Variants in AQR observed in about 807,000 individuals in gnomAD.
AQR encodes RNA helicase aquarius.
In AQR, 61 loss-of-function variants were observed where a neutral mutation model predicts 180.5. The observed-to-expected ratio is 0.34, with a 90% CI of 0.28 to 0.42. The LOEUF is 0.42. Among genes scored for constraint, AQR ranks in the 10% least tolerant of loss-of-function variants. The probability of loss-of-function intolerance (pLI) is 1.00; values close to 1 mark genes in which losing one functional copy is unlikely to be tolerated. For synonymous variants in AQR, 551 were observed against 588.8 expected (o/e 0.94, Z 0.93); for missense variants, 1,281 against 1,798.3 (o/e 0.71, Z 5.20).
rs184035313 is a variant in AQR at position 34,913,366 on chromosome 15, G to A, written c.1484+1672C>T. On this transcript the variant is annotated intron_variant, in intron 16 of 34. Transcript: ENST00000156471. The stretch of plus-strand genomic sequence containing the variant: ...CTGAAAACATAATCATTGGAACCAT[G>A]TAATGAGTAAAAATGCCTCTGCTGG... 1.2e-4 allele frequency among the ~76,000 whole-genome samples: 18 copies of A among 152,286 alleles called. No individual in the cohort carries two copies. In the East Asian group the frequency reaches 3.1e-3, roughly 26 times the overall value.
intron 31 of AQR, chr15:34,870,405 C>A (rs1464280942): frequency 1.2e-5 from 2 of 161,534 alleles, no homozygotes; most frequent in African/African-American, 4.8e-5. Flanking sequence ...CCCAAGACAA[C>A]CTCCCCCTAT....
chr15:34,901,854 T>C (rs917348272), intron 19 of AQR, among the ~76,000 whole-genome samples: 2 of 152,168 alleles, frequency 1.3e-5, no homozygotes, highest in African/African-American at 2.4e-5. Flanking sequence ...AGTTTAAATA[T>C]GGAATGGGTG....
intron 1 of AQR, among the ~76,000 whole-genome samples, chr15:34,968,060 G>A (rs1490357741): frequency 6.6e-6 from 1 of 152,020 alleles, no homozygotes; most frequent in Admixed American, 6.5e-5. Flanking sequence ...TGATCGACCT[G>A]CCACGGCCTC....
At chr15:34,888,754 A>G (rs1893098596) in intron 24 of AQR, among the ~76,000 whole-genome samples, 1 of 152,230 alleles carries the variant, frequency 6.6e-6, no homozygotes, top group African/African-American at 2.4e-5. Context: ...GAAAAAGACT[A>G]GCAAAAAGTT....
At chr15:34,940,648 GA>G (rs1238315283) in intron 8 of AQR, among the ~76,000 whole-genome samples, 1 of 152,174 alleles carries the variant, frequency 6.6e-6, no homozygotes, top group Admixed American at 6.5e-5. Flanking sequence ...TAGGCAGGGA[GA>G]AAAACAGTGG....
At position 34,854,672 on chromosome 15, in the gene AQR, C is replaced by T. The variant is rs1892563008; in HGVS notation, c.*2120G>A. ...CCTTTCTAAATTCTTTTGACAAGGA[C>T]AAAGGACTTACCCATCCATCTTCCA... On this transcript the variant is annotated 3_prime_UTR_variant, in exon 35 of 35. Transcript: ENST00000156471. 6.6e-6 allele frequency: 1 copy of T among 152,106 alleles called. No homozygotes were observed. The highest frequency in any genetic ancestry group is 2.1e-4 in the South Asian group (1 of 4,822). The allele number at this position is 152,106 out of a possible 1,614,324, so 9.4% of individuals were successfully genotyped here.
intron 5 of AQR, among the ~76,000 whole-genome samples, chr15:34,946,744 G>A (rs1191084721): frequency 1.4e-5 from 2 of 141,322 alleles, no homozygotes; most frequent in African/African-American, 2.7e-5. Context: ...CGCCCCGTCC[G>A]GGAGGGAGGG....
chr15:34,951,122 T>C (rs1338711125), intron 4 of AQR, among the ~76,000 whole-genome samples: 1 of 152,248 alleles, frequency 6.6e-6, no homozygotes, highest in African/African-American at 2.4e-5. Context: ...GCAAATTCTA[T>C]ACAATACTGA....
intron 5 of AQR, among the ~76,000 whole-genome samples, chr15:34,946,268 G>A (rs955929709): frequency 3.3e-5 from 5 of 152,180 alleles, no homozygotes; most frequent in African/African-American, 1.2e-4. Flanking sequence ...GCTAAATTCA[G>A]TCTCAAAACA....
Position 34,876,149 on chromosome 15 carries a change from A to G in AQR, c.3166-143T>C, listed in dbSNP as rs1342440356. On this transcript the variant is annotated intron_variant, in intron 27 of 34. Transcript: ENST00000156471. ...CAGACAGATAAAAATAACAACATAC[A>G]CATTATTCAAACAGAAACTTCATGG... 3.3e-5 allele frequency: 20 copies of G among 602,934 alleles called. No homozygotes were observed. In the East Asian group the frequency reaches 5.4e-4, roughly 16 times the overall value. 37.3% of individuals were successfully genotyped at this position (602,934 alleles called of 1,614,324 possible). A position where few individuals can be genotyped will look rare whatever the true frequency, so the allele number is the denominator to read the frequency against.
At chr15:34,961,902 A>G (rs915571418) in intron 2 of AQR, among the ~76,000 whole-genome samples, 9 of 152,148 alleles carry the variant, frequency 5.9e-5, no homozygotes, top group African/African-American at 2.2e-4. Context: ...GTGAGCCTTC[A>G]CTAACAGTTA....
intron 15 of AQR, among the ~76,000 whole-genome samples, chr15:34,917,429 C>T (rs540252271): frequency 7.9e-4 from 120 of 152,242 alleles, no homozygotes; most frequent in Admixed American, 2.2e-3. Context: ...AAATTCTCAT[C>T]CTCAGAGGAT....
intron 27 of AQR, among the ~76,000 whole-genome samples, chr15:34,881,259 C>T (rs1390380587): frequency 6.6e-6 from 1 of 152,200 alleles, no homozygotes; most frequent in East Asian, 1.9e-4. Flanking sequence ...GGTACATTCA[C>T]ACTACCTTTT....
At chr15:34,897,736 CA>C in intron 20 of AQR, 31 bp from the exon 21 acceptor site, 1 of 1,611,120 alleles carries the variant, frequency 6.2e-7, no homozygotes, top group Non-Finnish European at 8.5e-7. Context: ...TTCATTTTTG[CA>C]ATTAACAAGG....
Position 34,910,246 on chromosome 15 carries a change from T to A in AQR, c.1552A>T (p.Thr518Ser). The A allele has an allele frequency of 6.2e-7, 1 of 1,614,200 alleles. No homozygotes were observed. The highest frequency in any genetic ancestry group is 8.5e-7 in the Non-Finnish European group (1 of 1,180,034). ...ARMAQPIVAF[T>S]VVEVAKPNIG... is the part of the protein sequence containing the mutation. ...TTGGGTTTGGCCACTTCAACGACAG[T>A]GAAAGCCACAATGGGCTGGGCCATT... The change falls in exon 17 of 35, where the codon ACT becomes TCT. Residue 518 changes from threonine (T) to serine (S), a missense_variant. Around this residue, in one of 9 missense-constraint regions of AQR, gnomAD observed 200 missense variants for 293.4 expected, o/e 0.68. Coordinates refer to ENST00000156471, the MANE Select transcript of AQR (RefSeq NM_014691.3).
At chr15:34,924,303 GT>G (rs1442443427) in intron 13 of AQR, among the ~76,000 whole-genome samples, 5 of 152,060 alleles carry the variant, frequency 3.3e-5, no homozygotes, top group Non-Finnish European at 7.4e-5. Flanking sequence ...CTGCAAATCT[GT>G]CTTCAATTAA....
intron 28 of AQR, 49 bp from the exon 29 acceptor site, chr15:34,874,913 T>A: frequency 6.5e-7 from 1 of 1,532,404 alleles, no homozygotes; most frequent in Middle Eastern, 1.7e-4. Context: ...TATCCTCTTG[T>A]CTCCAATTTA....
At chr15:34,910,415 T>G in intron 16 of AQR, 102 bp from the exon 17 acceptor site, 2 of 1,255,854 alleles carry the variant, frequency 1.6e-6, no homozygotes, top group Non-Finnish European at 2.2e-6. Context: ...CAGCTAGTAT[T>G]TAAGTCCTAA....
intron 23 of AQR, among the ~76,000 whole-genome samples, chr15:34,892,612 C>CT (rs993430761): frequency 3.9e-5 from 6 of 152,328 alleles, no homozygotes; most frequent in African/African-American, 1.2e-4. Context: ...TACTCCTCAA[C>CT]TTACAATGGG....
Sources: gnomAD v4.1 joint callset for allele counts (sites outside exome capture counted in the v4.1 genomes callset) on GRCh38, gnomAD v4.1.1 for gene constraint, gnomAD v4.1.1 regional missense constraint, MANE v1.5 for transcripts, NCBI Gene and HGNC (gene_info 2026-07-23, HGNC 2026-07-21) for gene names.